Variants in COQ4 observed in about 807,000 individuals in gnomAD.
COQ4 encodes the protein coenzyme Q4, also known as ubiquinone biosynthesis protein COQ4 homolog, mitochondrial.
In COQ4, 36 loss-of-function variants were observed where a neutral mutation model predicts 30.2. The ratio of observed to expected loss-of-function variants is 1.19; its 90% CI spans 0.91 to 1.57. The LOEUF (loss-of-function observed/expected upper bound fraction) is 1.57. Among genes scored for constraint, COQ4 ranks in the 40% most tolerant of loss-of-function variants. COQ4 has a pLI of 0.00. For synonymous variants in COQ4, 197 were observed against 161.0 expected, an observed-to-expected ratio of 1.22 and a Z score of -1.69; for missense variants, 369 against 371.9, an observed-to-expected ratio of 0.99 and a Z score of 0.07.
rs1046811704 is a variant in COQ4, at chr9:128,325,789, C to T, written c.310C>T (p.Arg104Trp). The T allele has an allele frequency of 9.3e-6, 15 of 1,613,928 alleles. No homozygotes were observed. The highest frequency in any genetic ancestry group is 8.9e-5 in the East Asian group (4 of 44,904). Residue 104 changes from arginine to tryptophan, a missense_variant, in exon 4 of 7, where the codon CGG becomes TGG. Arg to Trp is a moderately radical substitution (Grantham distance 101). Coordinates refer to ENST00000300452, the MANE Select transcript of COQ4 (RefSeq NM_016035.5). ...EGAQILQERP[R>W]ISTSTLDLGK... Reference sequence around the variant, plus strand: ...AGTCTTGCCTTTCAGGGAGCGTCCCCGGATTTCGACATCCACCCTCGACCT... The same window carrying T: ...AGTCTTGCCTTTCAGGGAGCGTCCCTGGATTTCGACATCCACCCTCGACCT...
intron 6 of COQ4, 113 bp from the exon 7 acceptor site, chr9:128,333,361 T>TA (rs1251077064): frequency 1.1e-6 from 1 of 940,348 alleles, no homozygotes; most frequent in Non-Finnish European, 1.6e-6. Flanking sequence ...GGATAATAAC[T>TA]ACCTCCTTCC....
At chr9:128,324,934 G>A (rs945111061) in intron 2 of COQ4, among the ~76,000 whole-genome samples, 3 of 152,142 alleles carry the variant, frequency 2.0e-5, no homozygotes, top group Non-Finnish European at 4.4e-5. Flanking sequence ...GAGCTGTCCC[G>A]CCCCAGTAGA....
chr9:128,333,680 C>T lies in COQ4; in HGVS notation c.*35C>T, dbSNP rs1832454025. 4.7e-6 allele frequency: 7 copies of T among 1,488,230 alleles called. No homozygotes were observed. Among genetic ancestry groups the T allele is most frequent in the Non-Finnish European group, 6.2e-6 (7 of 1,123,772 alleles). The allele number at this position is 1,488,230 out of a possible 1,614,324, so 92.2% of individuals were successfully genotyped here. A position where few individuals can be genotyped will look rare whatever the true frequency, so the allele number is the denominator to read the frequency against. ...CCAGCGGGGCCTGGCCTACCTCCCC[C>T]ATCCCCTGCTTCCCTTGGAGGCAGA... On this transcript the variant is annotated 3_prime_UTR_variant, in exon 7 of 7. Transcript: ENST00000300452.
intron 4 of COQ4, among the ~76,000 whole-genome samples, chr9:128,326,689 C>T (rs915442917): frequency 3.9e-5 from 6 of 152,058 alleles, no homozygotes; most frequent in African/African-American, 1.4e-4. Flanking sequence ...GTGATCCGCC[C>T]GCATCAGCCT....
intron 2 of COQ4, 98 bp from the exon 3 acceptor site, chr9:128,325,045 C>T: frequency 1.3e-6 from 1 of 783,004 alleles, no homozygotes; most frequent in Non-Finnish European, 2.1e-6. Flanking sequence ...AGCTAGACAT[C>T]ATCCCTAATT....
At chr9:128,325,297 T>G in intron 3 of COQ4, 58 bp downstream of exon 3, 1 of 1,161,474 alleles carries the variant, frequency 8.6e-7, no homozygotes, top group Non-Finnish European at 1.3e-6. Context: ...CTGACCTCTC[T>G]AGAATCACAT....
intron 4 of COQ4, chr9:128,330,924 G>A (rs1234401292): frequency 6.7e-6 from 1 of 148,888 alleles, no homozygotes; most frequent in African/African-American, 2.5e-5. Flanking sequence ...TGCAAGCTCC[G>A]CCTCCCGGGC....
chr9:128,332,175 C>T lies in COQ4; in HGVS notation c.425C>T (p.Ala142Val). 1 of 1,583,744 alleles carries T rather than the reference C, an allele frequency of 6.3e-7. No individual in the cohort carries two copies. The highest frequency in any genetic ancestry group is 8.6e-7 in the Non-Finnish European group (1 of 1,164,818). ...DVNRVSPDTRAPTRFVDDEEL... is the reference protein window; with the variant it reads ...DVNRVSPDTRVPTRFVDDEEL... The stretch of plus-strand genomic sequence containing the variant: ...CAGAGGGTCTCCCCAGACACCCGAG[C>T]ACCCACCCGCTTCGTGGATGATGAG... The change falls in exon 5 of 7, where the codon GCA becomes GTA. Residue 142 changes from alanine to valine, a missense_variant. Coordinates refer to ENST00000300452, the MANE Select transcript of COQ4 (RefSeq NM_016035.5).
Position 128,333,612 on chromosome 9 carries a change from A to G in COQ4, c.765A>G (p.Thr255=), listed in dbSNP as rs960145046. Residue 255 remains threonine, a synonymous_variant, in exon 7 of 7, where the codon ACA becomes ACG. Coordinates refer to ENST00000300452, the MANE Select transcript of COQ4 (RefSeq NM_016035.5). ...LRALREELGI[T]APPMHVQGLA ...CTCTGCGGGAGGAGCTGGGCATTAC[A>G]GCACCACCCATGCACGTCCAGGGCT... 2.5e-6 allele frequency: 4 copies of G among 1,597,300 alleles called. No individual in the cohort carries two copies. The highest frequency in any genetic ancestry group is 1.3e-5 in the African/African-American group (1 of 74,104).
intron 4 of COQ4, among the ~76,000 whole-genome samples, chr9:128,329,335 T>C (rs1361849879): frequency 6.6e-6 from 1 of 152,208 alleles, no homozygotes; most frequent in Non-Finnish European, 1.5e-5. Flanking sequence ...CTGTGTGATC[T>C]TGGGCAAATT....
At chr9:128,332,080 G>A in intron 4 of COQ4, 73 bp from the exon 5 acceptor site, 1 of 1,512,674 alleles carries the variant, frequency 6.6e-7, no homozygotes, top group South Asian at 1.3e-5. Context: ...TTGTGACGGT[G>A]TCAGAGACAG....
At chr9:128,327,873 T>C (rs1408267427) in intron 4 of COQ4, among the ~76,000 whole-genome samples, 2 of 152,234 alleles carry the variant, frequency 1.3e-5, no homozygotes, top group African/African-American at 2.4e-5. Flanking sequence ...GCAAAAAGCC[T>C]GCCTTTGTGG....
chr9:128,333,495 G>A lies in COQ4; in HGVS notation c.648G>A (p.Ser216=), dbSNP rs200848850. The change falls in exon 7 of 7, where the codon TCG becomes TCA. Residue 216 remains serine, a synonymous_variant. Transcript: ENST00000300452. ...LGAQSLQVLV[S]ELIPWAVQNG... ...ACAGGAGCCTGCAAGTGCTGGTCTC[G>A]GAGTTGATCCCATGGGCCGTTCAGA... is the stretch of plus-strand genomic sequence containing the variant. 4.3e-5 allele frequency: 66 copies of A among 1,552,456 alleles called. No individual in the cohort carries two copies. In the African/African-American group the frequency reaches 6.5e-4, roughly 15 times the overall value.
In COQ4 at chr9:128,322,850, C is replaced by A; in HGVS notation, c.-9C>A. 1.3e-6 allele frequency: 2 copies of A among 1,547,210 alleles called. No homozygotes were observed. Among genetic ancestry groups the A allele is most frequent in the South Asian group, 1.2e-5 (1 of 85,722 alleles). On this transcript the variant is annotated 5_prime_UTR_variant, in exon 1 of 7. Transcript: ENST00000300452. ...CGTACCCGCCCATCCTCCGCGGACG[C>A]CCGCTGCCATGGCGACTCTGCTGCG...
At chr9:128,324,794 C>T (rs1318152904) in intron 2 of COQ4, among the ~76,000 whole-genome samples, 2 of 110,408 alleles carry the variant, frequency 1.8e-5, no homozygotes, top group African/African-American at 1.6e-4. Flanking sequence ...TGTACTAGGT[C>T]ACCTAGATAG....
At chr9:128,330,683 T>G (rs1382949284) in intron 4 of COQ4, 1 of 151,946 alleles carries the variant, frequency 6.6e-6, no homozygotes, top group African/African-American at 2.4e-5. Flanking sequence ...TTGGTCAGGC[T>G]GGCCTTGAGC....
intron 2 of COQ4, chr9:128,323,527 G>T (rs1462918075): frequency 2.3e-6 from 1 of 435,586 alleles, no homozygotes; most frequent in Non-Finnish European, 4.0e-6. Flanking sequence ...CAGCCTTCTG[G>T]ATAGTGCCTG....
At chr9:128,328,560 G>A (rs1397166192) in intron 4 of COQ4, among the ~76,000 whole-genome samples, 1 of 152,144 alleles carries the variant, frequency 6.6e-6, no homozygotes, top group Non-Finnish European at 1.5e-5. Context: ...GCACCCCCCC[G>A]TCAAGTTGTG....
At chr9:128,332,359 A>G in intron 5 of COQ4, 77 bp downstream of exon 5, 1 of 1,506,724 alleles carries the variant, frequency 6.6e-7, no homozygotes, top group East Asian at 2.3e-5. Flanking sequence ...TATCTCCACC[A>G]CCCTCTGCAT....
Sources: gnomAD v4.1 joint callset for allele counts (sites outside exome capture counted in the v4.1 genomes callset) on GRCh38, gnomAD v4.1.1 for gene constraint, MANE v1.5 for transcripts, NCBI Gene and HGNC (gene_info 2026-07-23, HGNC 2026-07-21) for gene names.